CDH13: variants seen among roughly 807,000 people sequenced by gnomAD.
CDH13 encodes the protein cadherin 13, also known as cadherin-13.
CDH13 carries 24 observed loss-of-function variants against 63.8 expected under a neutral mutation model. That is an observed-to-expected ratio of 0.38 (90% CI 0.27 to 0.53). The LOEUF (loss-of-function observed/expected upper bound fraction) is 0.53, where lower values mean the gene tolerates loss of function less well. Among genes scored for constraint, CDH13 ranks in the 20% least tolerant of loss-of-function variants. The probability of loss-of-function intolerance (pLI) is 0.85; values close to 1 mark genes in which losing one functional copy is unlikely to be tolerated. For missense variants in CDH13, 1,049 were observed against 903.1 expected (o/e 1.16, Z -2.07); for synonymous variants, 503 against 355.3 (o/e 1.42, Z -4.67).
intron 1 of CDH13, among the ~76,000 whole-genome samples, chr16:82,662,547 G>C (rs1912077949): frequency 6.6e-6 from 1 of 152,194 alleles, no homozygotes; most frequent in African/African-American, 2.4e-5. Context: ...GGGAGAAGAA[G>C]GGAGCTGGTT....
intron 6 of CDH13, among the ~76,000 whole-genome samples, chr16:83,345,953 A>T (rs575835020): frequency 3.7e-4 from 56 of 152,248 alleles, no homozygotes; most frequent in African/African-American, 1.2e-3. Flanking sequence ...TCTATCAGTG[A>T]CATGTAGATA....
At chr16:83,337,932 C>T (rs1567601701) in intron 5 of CDH13, among the ~76,000 whole-genome samples, 1 of 151,046 alleles carries the variant, frequency 6.6e-6, no homozygotes, top group Non-Finnish European at 1.5e-5. Context: ...GATAATGAAA[C>T]AAAAAAAATG....
At position 83,183,069 on chromosome 16, in the gene CDH13, G is replaced by A. The variant is rs116259955; in HGVS notation, c.484-34276G>A. Among the ~76,000 whole-genome samples, 572 of 152,160 alleles carry A rather than the reference G, an allele frequency of 3.8e-3. 4 individuals carry two copies. The highest frequency in any genetic ancestry group is 0.013 in the African/African-American group (556 of 41,536). ...AATTAGTTTGGATTTTTCAGATAAG[G>A]TTCCTTCTTTTTATTATTATAAACA... On this transcript the variant is annotated intron_variant, in intron 4 of 13. Transcript: ENST00000567109.
At chr16:83,501,477 C>T (rs907118386) in intron 7 of CDH13, among the ~76,000 whole-genome samples, 1 of 152,190 alleles carries the variant, frequency 6.6e-6, no homozygotes, top group Non-Finnish European at 1.5e-5. Context: ...TTCTTATTTC[C>T]TCTGCATGTT....
intron 6 of CDH13, among the ~76,000 whole-genome samples, chr16:83,431,209 G>A (rs1316294070): frequency 1.3e-5 from 2 of 151,634 alleles, no homozygotes; most frequent in East Asian, 2.0e-4. Context: ...TCTTAATCCA[G>A]TCTATCATTG....
At position 83,000,223 on chromosome 16, in the gene CDH13, ATTTTTTTTTTTTTTT is replaced by A. The variant is rs746904500; in HGVS notation, c.158-31760_158-31746del. Reference sequence around the variant, plus strand: ...CTAGGAATATCCACAGGTTTAGCTTATTTTTTTTTTTTTTTTTTTTTTTTTTTTTTTTTTTTTTTT... The same window carrying A: ...CTAGGAATATCCACAGGTTTAGCTTATTTTTTTTTTTTTTTTTTTTTTTTT... On this transcript the variant is annotated intron_variant, in intron 2 of 13. Coordinates refer to ENST00000567109, the MANE Select transcript of CDH13 (RefSeq NM_001257.5). Among the ~76,000 whole-genome samples, 164 of 37,000 alleles carry A rather than the reference ATTTTTTTTTTTTTTT, an allele frequency of 4.4e-3. 1 individual carries two copies. Among genetic ancestry groups the A allele is most frequent in the African/African-American group, 9.1e-3 (116 of 12,814 alleles). 24.3% of individuals were successfully genotyped at this position (37,000 alleles called of 152,430 possible). A position where few individuals can be genotyped will look rare whatever the true frequency, so the allele number is the denominator to read the frequency against.
At chr16:83,152,775 T>A (rs572009046) in intron 4 of CDH13, among the ~76,000 whole-genome samples, 1 of 152,338 alleles carries the variant, frequency 6.6e-6, no homozygotes, top group Non-Finnish European at 1.5e-5. Flanking sequence ...AATGTGGCTT[T>A]CCTTGGAAAT....
At chr16:83,746,930 G>T (rs1307195221) in intron 10 of CDH13, among the ~76,000 whole-genome samples, 1 of 152,162 alleles carries the variant, frequency 6.6e-6, no homozygotes, top group Non-Finnish European at 1.5e-5. Flanking sequence ...ATCTTGGATG[G>T]TTTCCCATTA....
At chr16:82,662,372 CTG>C (rs1268107559) in intron 1 of CDH13, among the ~76,000 whole-genome samples, 1 of 152,160 alleles carries the variant, frequency 6.6e-6, no homozygotes, top group East Asian at 1.9e-4. Flanking sequence ...TGTGTATTGT[CTG>C]AACATATTTC....
intron 10 of CDH13, among the ~76,000 whole-genome samples, chr16:83,709,653 C>G (rs2150921567): frequency 6.6e-6 from 1 of 152,354 alleles, no homozygotes; most frequent in Non-Finnish European, 1.5e-5. Context: ...CATTCTTCAT[C>G]AGACCCATTT....
At position 82,896,276 on chromosome 16, in the gene CDH13, A is replaced by ATTTTTTTTTTTTTTTTTT. The variant is rs59677448; in HGVS notation, c.157+37819_157+37836dup. 1.3e-3 allele frequency among the ~76,000 whole-genome samples: 114 copies of ATTTTTTTTTTTTTTTTTT among 87,842 alleles called. 9 individuals carry two copies. The highest frequency in any genetic ancestry group is 6.3e-3 in the East Asian group (9 of 1,432). The allele number at this position is 87,842 out of a possible 152,430, so 57.6% of individuals were successfully genotyped here. ...GAGTCTTCTGAGAACTAGGATTAGG[A>ATTTTTTTTTTTTTTTTTT]TTTTTTTTTTTTTTTTTTTTTTTTT... On this transcript the variant is annotated intron_variant, in intron 2 of 13. Coordinates refer to ENST00000567109, the MANE Select transcript of CDH13 (RefSeq NM_001257.5).
intron 8 of CDH13, among the ~76,000 whole-genome samples, chr16:83,629,883 A>G (rs912512691): frequency 1.3e-5 from 2 of 152,254 alleles, no homozygotes; most frequent in Non-Finnish European, 2.9e-5. Flanking sequence ...AAGAGAGCTT[A>G]CAACAGCGTT....
intron 1 of CDH13, among the ~76,000 whole-genome samples, chr16:82,663,732 A>G (rs1489027501): frequency 1.3e-5 from 2 of 152,158 alleles, no homozygotes; most frequent in Admixed American, 6.5e-5. Context: ...ATTCGTGTCC[A>G]TTTGGTTTCT....
chr16:82,713,738 C>T (rs774880227), intron 1 of CDH13, among the ~76,000 whole-genome samples: 5 of 150,412 alleles, frequency 3.3e-5, no homozygotes, highest in Admixed American at 1.3e-4. Flanking sequence ...GCATGTTTCA[C>T]CTAGGTCTCT....
chr16:83,027,112 C>CT (rs1396787925), intron 2 of CDH13, among the ~76,000 whole-genome samples: 6 of 144,296 alleles, frequency 4.2e-5, no homozygotes, highest in Admixed American at 1.4e-4. Flanking sequence ...ACCCCCCCCC[C>CT]CCACCGCCCC....
At chr16:83,022,754 A>G (rs2151457749) in intron 2 of CDH13, among the ~76,000 whole-genome samples, 1 of 152,338 alleles carries the variant, frequency 6.6e-6, no homozygotes. Flanking sequence ...GGGCCCCACA[A>G]CTTATGTGCA....
chr16:83,207,130 A>T (rs546151305), intron 4 of CDH13, among the ~76,000 whole-genome samples: 2 of 152,330 alleles, frequency 1.3e-5, no homozygotes, highest in African/African-American at 4.8e-5. Flanking sequence ...TAAAATGTAC[A>T]TGGCAGTGGC....
intron 11 of CDH13, among the ~76,000 whole-genome samples, chr16:83,762,168 C>T (rs555247626): frequency 1.3e-5 from 2 of 152,300 alleles, no homozygotes; most frequent in Admixed American, 6.5e-5. Flanking sequence ...TCAAAACTGG[C>T]TGTGGCCAAA....
At chr16:82,712,920 C>G (rs184563209) in intron 1 of CDH13, among the ~76,000 whole-genome samples, 24 of 152,200 alleles carry the variant, frequency 1.6e-4, no homozygotes, top group African/African-American at 7.2e-5. Flanking sequence ...ATTACTTGTC[C>G]TATCTCCTCT....
Sources: allele counts gnomAD v4.1 joint callset (sites outside exome capture counted in the v4.1 genomes callset), GRCh38; gene constraint gnomAD v4.1.1; transcripts MANE v1.5; gene names NCBI Gene and HGNC (gene_info 2026-07-23, HGNC 2026-07-21).